Variants in HERC3 observed in about 807,000 individuals in gnomAD.
The protein encoded by HERC3 is HECT and RLD domain containing E3 ubiquitin protein ligase 3, also known as probable E3 ubiquitin-protein ligase HERC3.
HERC3 carries 58 observed loss-of-function variants against 129.9 expected under a neutral mutation model. The observed-to-expected ratio is 0.45, with a 90% confidence interval of 0.36 to 0.56. HERC3 has a LOEUF of 0.56. HERC3 is among the 20% of genes least tolerant of loss of function. The pLI, the probability that HERC3 is intolerant of heterozygous loss-of-function variation, is 0.00. For synonymous variants in HERC3, 430 were observed against 451.0 expected, an observed-to-expected ratio of 0.95 and a Z score of 0.59; for missense variants, 835 against 1,244.2, an observed-to-expected ratio of 0.67 and a Z score of 4.95.
the HERC3 span, among the ~76,000 whole-genome samples, chr4:88,548,253 G>C: frequency 2.0e-5 from 3 of 152,136 alleles, no homozygotes; most frequent in Admixed American, 1.3e-4. Context: ...CTCTGTGTTT[G>C]ATGTTTTAAG....
intron 23 of HERC3, among the ~76,000 whole-genome samples, chr4:88,688,324 G>A (rs1436727313): frequency 6.6e-6 from 1 of 152,110 alleles, no homozygotes; most frequent in Non-Finnish European, 1.5e-5. Flanking sequence ...GGCCTTGAAC[G>A]GCGCTTGGAG....
intron 3 of HERC3, 59 bp from the exon 4 acceptor site, chr4:88,649,781 G>T: frequency 7.0e-7 from 1 of 1,423,592 alleles, no homozygotes; most frequent in Non-Finnish European, 9.9e-7. Flanking sequence ...CCTGTGTAAT[G>T]GTAGCAGTAT....
At chr4:88,579,232 A>AAAT in the HERC3 span, among the ~76,000 whole-genome samples, 2 of 104,094 alleles carry the variant, frequency 1.9e-5, no homozygotes, top group African/African-American at 1.2e-4. Flanking sequence ...AAAAAAAAAA[A>AAAT]ATATATATAT....
intron 11 of HERC3, among the ~76,000 whole-genome samples, chr4:88,663,072 A>G (rs532256196): frequency 2.6e-5 from 4 of 151,404 alleles, no homozygotes; most frequent in Non-Finnish European, 5.9e-5. Flanking sequence ...TCCTTTGCAC[A>G]TTTTTACACA....
chr4:88,657,720 G>C (rs1168976479), intron 9 of HERC3, among the ~76,000 whole-genome samples: 1 of 152,200 alleles, frequency 6.6e-6, no homozygotes, highest in Non-Finnish European at 1.5e-5. Context: ...GGAAGGCATG[G>C]AGGAGTATTG....
intron 3 of HERC3, among the ~76,000 whole-genome samples, chr4:88,610,487 C>T (rs1724192151): frequency 6.6e-6 from 1 of 151,392 alleles, no homozygotes; most frequent in Admixed American, 6.6e-5. Context: ...CCTTACCCGT[C>T]TGGGAATACA....
chr4:88,698,543 G>A (rs1243252569), intron 23 of HERC3, among the ~76,000 whole-genome samples: 5 of 147,888 alleles, frequency 3.4e-5, no homozygotes, highest in Admixed American at 1.4e-4. Flanking sequence ...CTGTGGGAAG[G>A]ACTAAAGCTT....
At chr4:88,554,925 T>A in the HERC3 span, among the ~76,000 whole-genome samples, 1 of 151,960 alleles carries the variant, frequency 6.6e-6, no homozygotes, top group East Asian at 1.9e-4. Context: ...TTACGGAGAG[T>A]CAAACATAGG....
intron 23 of HERC3, 78 bp downstream of exon 23, chr4:88,687,377 ATTACTT>A: frequency 1.1e-6 from 1 of 907,968 alleles, no homozygotes. Context: ...CAAAATAAAA[ATTACTT>A]TTTAATATTA....
At chr4:88,705,254 A>G (rs1477857666) in intron 25 of HERC3, among the ~76,000 whole-genome samples, 2 of 152,158 alleles carry the variant, frequency 1.3e-5, no homozygotes, top group Non-Finnish European at 2.9e-5. Flanking sequence ...GTTTGGATTA[A>G]CCTCTCTTAT....
intron 18 of HERC3, among the ~76,000 whole-genome samples, 194 bp downstream of exon 18, chr4:88,676,617 G>A (rs1448163826): frequency 6.6e-6 from 1 of 151,786 alleles, no homozygotes; most frequent in African/African-American, 2.4e-5. Flanking sequence ...GTGTAGATTA[G>A]AGATTGGCAA....
chr4:88,570,762 TTTTATTTA>T, the HERC3 span, among the ~76,000 whole-genome samples: 64,435 of 149,462 alleles, frequency 0.43, 17,068 homozygotes, highest in Non-Finnish European at 0.58. Flanking sequence ...TTTATTTTAT[TTTTATTTA>T]TTTATTTATT....
the HERC3 span, among the ~76,000 whole-genome samples, chr4:88,544,625 T>C: frequency 2.0e-5 from 3 of 152,236 alleles, no homozygotes; most frequent in East Asian, 5.8e-4. Context: ...CACACGTATG[T>C]TTATTGCGGC....
At chr4:88,630,066 T>G (rs57217926) in intron 3 of HERC3, among the ~76,000 whole-genome samples, 1 of 152,116 alleles carries the variant, frequency 6.6e-6, no homozygotes, top group African/African-American at 2.4e-5. Flanking sequence ...GTGGTGAAAA[T>G]TGGGAGGGGT....
chr4:88,537,097 T>C, the HERC3 span, among the ~76,000 whole-genome samples: 6 of 152,298 alleles, frequency 3.9e-5, no homozygotes, highest in African/African-American at 1.4e-4. Context: ...ATATATTCTC[T>C]TACATCACCA....
the HERC3 span, among the ~76,000 whole-genome samples, chr4:88,545,430 C>CTTTTTTTTTTTT: frequency 1.8e-5 from 2 of 110,400 alleles, no homozygotes; most frequent in African/African-American, 7.4e-5. Context: ...TTTGAGAATT[C>CTTTTTTTTTTTT]TTTTTTTTTT....
At chr4:88,701,184 G>A (rs1415827387) in intron 23 of HERC3, among the ~76,000 whole-genome samples, 1 of 152,112 alleles carries the variant, frequency 6.6e-6, no homozygotes. Flanking sequence ...TGTTATATAC[G>A]GTGTGAGAAA....
At chr4:88,541,143 G>A in the HERC3 span, among the ~76,000 whole-genome samples, 2 of 152,106 alleles carry the variant, frequency 1.3e-5, no homozygotes, top group Admixed American at 6.6e-5. Context: ...GATACAGACT[G>A]GCAAATTGGA....
At chr4:88,665,220 T>C (rs1434391992) in intron 12 of HERC3, among the ~76,000 whole-genome samples, 1 of 152,168 alleles carries the variant, frequency 6.6e-6, no homozygotes, top group Admixed American at 6.5e-5. Context: ...GTTCACCTGA[T>C]TATGGAGGTT....
Sources: allele counts gnomAD v4.1 joint callset (sites outside exome capture counted in the v4.1 genomes callset), GRCh38; gene constraint gnomAD v4.1.1; transcripts MANE v1.5; gene names NCBI Gene and HGNC (gene_info 2026-07-23, HGNC 2026-07-21).